INTS11: variants seen among roughly 807,000 people sequenced by gnomAD.
INTS11 encodes CPSF3-like protein.
INTS11 carries 77 observed loss-of-function variants against 78.6 expected under a neutral mutation model. That is an observed-to-expected ratio of 0.98 (90% CI 0.81 to 1.18). The LOEUF is 1.18. Ranked by LOEUF, INTS11 falls within the 50% of genes most tolerant of loss-of-function variation. The pLI is 0.00. For missense variants in INTS11, 875 were observed against 825.9 expected (o/e 1.06, Z -0.73); for synonymous variants, 441 against 326.9 (o/e 1.35, Z -3.77).
Position 1,314,312 on chromosome 1 carries a change from C to A in INTS11, c.756G>T (p.Leu252=). Reference sequence around the variant, plus strand: ...CTGGCGGCACCTACCAGAAGGTCTCCAGGAGGATGCAGAGCTCCTGGGCGC... The same window carrying A: ...CTGGCGGCACCTACCAGAAGGTCTCAAGGAGGATGCAGAGCTCCTGGGCGC... The part of the protein sequence containing the change: ...LGRAQELCIL[L]ETFWERMNLK... The change falls in exon 8 of 17, where the codon CTG becomes CTT. Residue 252 remains leucine (L), a synonymous_variant. Coordinates refer to ENST00000435064, the MANE Select transcript of INTS11 (RefSeq NM_017871.6). The surrounding 1 kb of genome is among the most constrained non-coding windows in gnomAD (Gnocchi z 4.2). 1 of 1,602,500 alleles carries A rather than the reference C, an allele frequency of 6.2e-7. No individual in the cohort carries two copies. Among genetic ancestry groups the A allele is most frequent in the East Asian group, 2.3e-5 (1 of 44,318 alleles).
chr1:1,311,808 G>T lies in INTS11; in HGVS notation c.*51C>A. 6.6e-7 allele frequency: 1 copy of T among 1,506,102 alleles called. No homozygotes were observed. Among genetic ancestry groups the T allele is most frequent in the Admixed American group, 2.1e-5 (1 of 47,906 alleles). 93.3% of individuals were successfully genotyped at this position (1,506,102 alleles called of 1,614,324 possible). A position where few individuals can be genotyped will look rare whatever the true frequency, so the allele number is the denominator to read the frequency against. ...CACAGTCCTGAAGTGCAGGCCCAGG[G>T]TCTGTCCAGCTGGGAGAGGGCAGAG... On this transcript the variant is annotated 3_prime_UTR_variant, in exon 17 of 17. Coordinates refer to ENST00000435064, the MANE Select transcript of INTS11 (RefSeq NM_017871.6).
At chr1:1,321,897 A>AAAC in intron 1 of INTS11, 3 of 1,258,196 alleles carry the variant, frequency 2.4e-6, no homozygotes, top group Non-Finnish European at 3.1e-6. Context: ...TTCCCCTTGA[A>AAAC]TCCCACCCAC....
Position 1,312,213 on chromosome 1 carries a change from G to GCCGGCCCCCCCCCCCCCCCCCCCC in INTS11, c.1607+12_1607+13insGGGGGGGGGGGGGGGGGGGGCCGG. ...CCCAAGGGAGTGGGGGGGGGGCGGG[G>GCCGGCCCCCCCCCCCCCCCCCCCC]CCGGGCGCCCACCTCTTGAGGTGGC... On this transcript the variant is annotated intron_variant, in intron 15 of 16. Coordinates refer to ENST00000435064, the MANE Select transcript of INTS11 (RefSeq NM_017871.6). The GCCGGCCCCCCCCCCCCCCCCCCCC allele has an allele frequency of 1.1e-6, 1 of 934,624 alleles. No individual in the cohort carries two copies. The highest frequency in any genetic ancestry group is 1.6e-6 in the Non-Finnish European group (1 of 636,672). The allele number at this position is 934,624 out of a possible 1,614,324, so 57.9% of individuals were successfully genotyped here. A position where few individuals can be genotyped will look rare whatever the true frequency, so the allele number is the denominator to read the frequency against.
At chr1:1,317,455 A>G in intron 4 of INTS11, 1 of 979,406 alleles carries the variant, frequency 1.0e-6, no homozygotes, top group Non-Finnish European at 1.2e-6. Flanking sequence ...ATGACACATA[A>G]CCAGAAGAGA....
At position 1,320,523 on chromosome 1, in the gene INTS11, A is replaced by G; in HGVS notation, c.133T>C (p.Phe45Leu). 6.2e-7 allele frequency: 1 copy of G among 1,613,740 alleles called. No homozygotes were observed. Among genetic ancestry groups the G allele is most frequent in the Non-Finnish European group, 8.5e-7 (1 of 1,179,834 alleles). The change falls in exon 3 of 17, where the codon TTC becomes CTC. Residue 45 changes from phenylalanine to leucine, a missense_variant. Physicochemically the swap from Phe to Leu is conservative, Grantham distance 22. Coordinates refer to ENST00000435064, the MANE Select transcript of INTS11 (RefSeq NM_017871.6). ...MHMGFNDDRR[F>L]PDFSYITQNG... Reference sequence around the variant, plus strand: ...TGGGTGATGTAGGAGAAGTCAGGGAAGCGTCGCTAGGAAGGATGTGGGGGT... The same window carrying G: ...TGGGTGATGTAGGAGAAGTCAGGGAGGCGTCGCTAGGAAGGATGTGGGGGT...
Position 1,319,518 on chromosome 1 carries a change from G to T in INTS11, c.207C>A (p.Phe69Leu). Reference protein sequence around the residue: ...DFLDCVIISHFHLDHCGALPY... With the variant: ...DFLDCVIISHLHLDHCGALPY... ...GGAGTGCCCCGCAGTGGTCCAGGTG[G>T]AAGTGGCTAGGGGGACGCAGCACAG... The change falls in exon 4 of 17, where the codon TTC (phenylalanine) becomes TTA (leucine). Residue 69 changes from phenylalanine to leucine, a missense_variant. Transcript: ENST00000435064. The T allele has an allele frequency of 6.3e-7, 1 of 1,576,070 alleles. No homozygotes were observed. Among genetic ancestry groups the T allele is most frequent in the Non-Finnish European group, 8.6e-7 (1 of 1,159,376 alleles).
Position 1,312,021 on chromosome 1 carries a change from G to A in INTS11, c.1734C>T (p.Tyr578=), listed in dbSNP as rs1642202533. The change falls in exon 16 of 17, where the codon TAC becomes TAT. Residue 578 remains tyrosine, a synonymous_variant. Transcript: ENST00000435064. ...TGGGGTGGGGGTCACCCCTTACCTGGTAGGTCCAGGAGACCAGCAGCACCT... is the reference window on the plus strand; with the variant it reads ...TGGGGTGGGGGTCACCCCTTACCTGATAGGTCCAGGAGACCAGCAGCACCT... ...GTKVLLVSWT[Y]QDEELGSFLT... is the part of the protein sequence containing the mutation. 1.3e-6 allele frequency: 2 copies of A among 1,579,034 alleles called. No homozygotes were observed. Among genetic ancestry groups the A allele is most frequent in the Non-Finnish European group, 1.7e-6 (2 of 1,162,494 alleles).
At position 1,323,233 on chromosome 1, in the gene INTS11, C is replaced by T. The variant is rs865924245; in HGVS notation, c.28+1348G>A. 3 of 1,550,196 alleles carry T rather than the reference C, an allele frequency of 1.9e-6. No individual in the cohort carries two copies. In the Middle Eastern group the frequency reaches 5.0e-4, roughly 259 times the overall value. ...CCTGGTGTCTGTGCTGGAAGGTGCC[C>T]TCGACCCCCTGCCCGGTGGAAGGAC... On this transcript the variant is annotated intron_variant, in intron 1 of 16. Transcript: ENST00000435064.
rs144721249 is a variant in INTS11, at chr1:1,313,414, G to C, written c.1041+95C>G. 58 of 1,407,728 alleles carry C rather than the reference G, an allele frequency of 4.1e-5. No individual in the cohort carries two copies. The East Asian group carries it at 1.1e-3, about 26-fold the overall frequency. The allele number at this position is 1,407,728 out of a possible 1,614,324, so 87.2% of individuals were successfully genotyped here. A position where few individuals can be genotyped will look rare whatever the true frequency, so the allele number is the denominator to read the frequency against. On this transcript the variant is annotated intron_variant, in intron 10 of 16. Transcript: ENST00000435064. ...AGCAGCCACGTCCCTTGGCCAGCAC[G>C]AGGCCAAGCCAGTGAGAGCTCAGAG...
At position 1,312,598 on chromosome 1, in the gene INTS11, G is replaced by C; in HGVS notation, c.1397C>G (p.Ala466Gly). The change falls in exon 13 of 17, where the codon GCG becomes GGG. Residue 466 changes from alanine (A) to glycine (G), a missense_variant. Ala to Gly is a moderately conservative substitution (Grantham distance 60). Transcript: ENST00000435064. Reference protein sequence around the residue: ...ISLGLLKREMAQGLLPEAKKP... With the variant: ...ISLGLLKREMGQGLLPEAKKP... ...GCCCTGCCCAGCCCGCATACCCTGCGCCATCTCCCGCTTCAGCAGCCCCAG... is the reference window on the plus strand; with the variant it reads ...GCCCTGCCCAGCCCGCATACCCTGCCCCATCTCCCGCTTCAGCAGCCCCAG... 1 of 1,572,680 alleles carries C rather than the reference G, an allele frequency of 6.4e-7. No homozygotes were observed. Among genetic ancestry groups the C allele is most frequent in the South Asian group, 1.2e-5 (1 of 86,646 alleles).
chr1:1,313,133 A>G lies in INTS11; in HGVS notation c.1042-9T>C. On this transcript the variant is annotated splice_polypyrimidine_tract_variant and intron_variant, in intron 10 of 16. Transcript: ENST00000435064. ...TAGCCGGGCATGATGACCTGGGGGC[A>G]GGCACAGAGCTCACAGCCAGGGAAC... 6.2e-7 allele frequency: 1 copy of G among 1,603,756 alleles called. No individual in the cohort carries two copies.
rs759335557 is a variant in INTS11, at chr1:1,314,400, T to C, written c.703-35A>G. 9 of 1,579,620 alleles carry C rather than the reference T, an allele frequency of 5.7e-6. No individual in the cohort carries two copies. The Admixed American group carries it at 1.2e-4, about 22-fold the overall frequency. Reference sequence around the variant, plus strand: ...ACACAAGGCAGGAGCCCTGGGCACATGGCCCCTCGACACAGCAGGCAGCGT... The same window carrying C: ...ACACAAGGCAGGAGCCCTGGGCACACGGCCCCTCGACACAGCAGGCAGCGT... On this transcript the variant is annotated intron_variant, in intron 7 of 16. Transcript: ENST00000435064. This position sits in a 1 kb window ranked among gnomAD's most constrained non-coding sequence, Gnocchi z 4.2.
Position 1,324,644 on chromosome 1 carries a change from C to A in INTS11, c.-36G>T. 6.3e-7 allele frequency: 1 copy of A among 1,598,008 alleles called. No homozygotes were observed. Among genetic ancestry groups the A allele is most frequent in the South Asian group, 1.1e-5 (1 of 89,244 alleles). On this transcript the variant is annotated 5_prime_UTR_variant, in exon 1 of 17. It adds an upstream start codon to the 5' untranslated region. Coordinates refer to ENST00000435064, the MANE Select transcript of INTS11 (RefSeq NM_017871.6). ...GCGCTCCCGGACCCGCGAGGCCCGC[C>A]TGCGGTGATGCACTGCGCAGGCGCA...
intron 6 of INTS11, 51 bp from the exon 7 acceptor site, chr1:1,315,013 G>T (rs1291490348): frequency 6.3e-7 from 1 of 1,592,802 alleles, no homozygotes; most frequent in Non-Finnish European, 8.6e-7. Context: ...CCCCACGGTT[G>T]CAGGGCTGGG....
chr1:1,314,774 A>T lies in INTS11; in HGVS notation c.702+50T>A, dbSNP rs765890808. On this transcript the variant is annotated intron_variant, in intron 7 of 16. Coordinates refer to ENST00000435064, the MANE Select transcript of INTS11 (RefSeq NM_017871.6). This position sits in a 1 kb window ranked among gnomAD's most constrained non-coding sequence, Gnocchi z 4.2. The stretch of plus-strand genomic sequence containing the variant: ...AAGGGCAGCCAAGCCTGCCAGAAAG[A>T]CCAGCCCAGCATGGCCGAGGGCCCA... The T allele has an allele frequency of 1.6e-5, 25 of 1,574,648 alleles. No homozygotes were observed. Among genetic ancestry groups the T allele is most frequent in the Admixed American group, 1.5e-4 (9 of 58,136 alleles).
chr1:1,312,208 G>GGGGT lies in INTS11; in HGVS notation c.1607+17_1607+18insACCC, dbSNP rs1570701703. The GGGGT allele has an allele frequency of 3.6e-6, 4 of 1,123,370 alleles. No homozygotes were observed. Among genetic ancestry groups the GGGGT allele is most frequent in the Non-Finnish European group, 5.0e-6 (4 of 801,332 alleles). The allele number at this position is 1,123,370 out of a possible 1,614,324, so 69.6% of individuals were successfully genotyped here. On this transcript the variant is annotated intron_variant, in intron 15 of 16. Transcript: ENST00000435064. Reference sequence around the variant, plus strand: ...CAGGGCCCAAGGGAGTGGGGGGGGGGCGGGGCCGGGCGCCCACCTCTTGAG... The same window carrying GGGGT: ...CAGGGCCCAAGGGAGTGGGGGGGGGGGGGTCGGGGCCGGGCGCCCACCTCTTGAG...
intron 10 of INTS11, 157 bp from the exon 11 acceptor site, chr1:1,313,281 G>GC (rs1642354211): frequency 3.1e-6 from 3 of 953,420 alleles, no homozygotes; most frequent in Non-Finnish European, 4.8e-6. Context: ...TCAGGTTTTG[G>GC]CACAAGACTG....
chr1:1,313,110 G>A lies in INTS11; in HGVS notation c.1056C>T (p.Gly352=), dbSNP rs1327379283. The A allele has an allele frequency of 3.1e-6, 5 of 1,607,674 alleles. No individual in the cohort carries two copies. The highest frequency in any genetic ancestry group is 3.3e-4 in the Middle Eastern group (2 of 6,082). Residue 352 remains glycine (G), a synonymous_variant, in exon 11 of 17, where the codon GGC becomes GGT. Coordinates refer to ENST00000435064, the MANE Select transcript of INTS11 (RefSeq NM_017871.6). ...GNEKNMVIMP[G]YCVQGTVGHK... is the part of the protein sequence containing the mutation. ...GGCCGACGGTGCCCTGCACGCAGTA[G>A]CCGGGCATGATGACCTGGGGGCAGG...
In INTS11 at chr1:1,312,108, G is replaced by A. The variant is rs560124260; in HGVS notation, c.1647C>T (p.Gly549=). Residue 549 remains glycine, a synonymous_variant, in exon 16 of 17, where the codon GGC becomes GGT. Transcript: ENST00000435064. ...KDHCVQHLPD[G]SVTVESVLLQ... ...GGAGGACGGACTCCACAGTCACAGA[G>A]CCGTCTGGGAGGTGCTGCACACAGT... The A allele has an allele frequency of 1.3e-6, 2 of 1,580,026 alleles. No homozygotes were observed. The highest frequency in any genetic ancestry group is 1.7e-6 in the Non-Finnish European group (2 of 1,161,590).
Sources: allele counts gnomAD v4.1 joint callset, GRCh38; gene constraint gnomAD v4.1.1; non-coding constraint Gnocchi (gnomAD v3.1); transcripts MANE v1.5; gene names NCBI Gene and HGNC (gene_info 2026-07-23, HGNC 2026-07-21).